Variants in MMP26 observed in about 807,000 individuals in gnomAD.
MMP26 encodes the protein matrix metalloproteinase-26.
A neutral mutation model predicts 31.0 loss-of-function variants in MMP26; 33 were observed. The observed-to-expected ratio is 1.06, with a 90% CI of 0.81 to 1.42. MMP26 has a LOEUF of 1.42. Ranked by LOEUF, MMP26 falls within the 40% of genes most tolerant of loss-of-function variation. MMP26 has a pLI of 0.00. For missense variants in MMP26, 347 were observed against 316.1 expected (o/e 1.10, Z -0.74); for synonymous variants, 122 against 114.9 (o/e 1.06, Z -0.40).
At chr11:4,733,504 C>T (rs1564897152) in intron 1 of MMP26, among the ~76,000 whole-genome samples, 1 of 151,924 alleles carries the variant, frequency 6.6e-6, no homozygotes, top group East Asian at 1.9e-4. Flanking sequence ...AATACAATTG[C>T]TTTTTTTATT....
intron 2 of MMP26, among the ~76,000 whole-genome samples, chr11:4,768,819 A>G (rs1226384151): frequency 6.6e-6 from 1 of 152,190 alleles, no homozygotes; most frequent in East Asian, 1.9e-4. Flanking sequence ...GATATATCAT[A>G]CTTATATTTT....
At chr11:4,986,541 TTTTTTTTG>T (rs1466556395) in intron 2 of MMP26, among the ~76,000 whole-genome samples, 14 of 101,114 alleles carry the variant, frequency 1.4e-4, no homozygotes, top group African/African-American at 2.0e-4. Flanking sequence ...TTTTTTTTTT[TTTTTTTTG>T]AGACAGAATC....
intron 2 of MMP26, among the ~76,000 whole-genome samples, chr11:4,845,743 A>C (rs932339658): frequency 6.6e-6 from 1 of 152,170 alleles, no homozygotes; most frequent in Admixed American, 6.5e-5. Flanking sequence ...CTACAACTCC[A>C]CATGGAAAAA....
chr11:4,834,755 A>T lies in MMP26; in HGVS notation c.-145+67414A>T, dbSNP rs1266545444. 2.0e-5 allele frequency among the ~76,000 whole-genome samples: 3 copies of T among 152,182 alleles called. No individual in the cohort carries two copies. In the East Asian group the frequency reaches 5.8e-4, roughly 29 times the overall value. ...TCCTATGTATTATGATATATTTCAT[A>T]TGTACTTTTAAATTAAGAACATAAT... On this transcript the variant is annotated intron_variant, in intron 2 of 7. Coordinates refer to ENST00000380390, the MANE Select transcript of MMP26 (RefSeq NM_021801.5).
At chr11:4,782,815 C>A (rs1384504869) in intron 2 of MMP26, among the ~76,000 whole-genome samples, 1 of 152,150 alleles carries the variant, frequency 6.6e-6, no homozygotes, top group Non-Finnish European at 1.5e-5. Context: ...TGAAAGGGGC[C>A]AATGTAGAGC....
chr11:4,778,027 A>G (rs1848810932), intron 2 of MMP26, among the ~76,000 whole-genome samples: 1 of 152,084 alleles, frequency 6.6e-6, no homozygotes, highest in Admixed American at 6.6e-5. Flanking sequence ...AGATATGGCC[A>G]AAAAGTTTTC....
chr11:4,897,955 AT>A (rs1850737023), intron 2 of MMP26, among the ~76,000 whole-genome samples: 1 of 148,196 alleles, frequency 6.7e-6, no homozygotes, highest in South Asian at 2.1e-4. Context: ...AATATTATAT[AT>A]TATATATAAA....
At chr11:4,718,692 C>T (rs776331812) in intron 1 of MMP26, 1 of 155,450 alleles carries the variant, frequency 6.4e-6, no homozygotes, top group Non-Finnish European at 1.5e-5. Context: ...CCTTCCACAC[C>T]TGGATCTCCA....
intron 2 of MMP26, chr11:4,890,606 A>C (rs188336316): frequency 2.6e-5 from 4 of 152,300 alleles, no homozygotes; most frequent in Admixed American, 2.6e-4. Context: ...TGATGAGTCC[A>C]TTGAAAAGTA....
At chr11:4,729,671 T>TTTTGCTA (rs1383060220) in intron 1 of MMP26, among the ~76,000 whole-genome samples, 3 of 152,268 alleles carry the variant, frequency 2.0e-5, no homozygotes, top group African/African-American at 7.2e-5. Context: ...AGTCCATTCT[T>TTTTGCTA]TTTGCTATTC....
chr11:4,969,031 A>T (rs1419045096), intron 2 of MMP26, among the ~76,000 whole-genome samples: 1 of 151,932 alleles, frequency 6.6e-6, no homozygotes, highest in Non-Finnish European at 1.5e-5. Flanking sequence ...TTTCCTTATT[A>T]TTTAAGTAGT....
At chr11:4,799,819 T>C (rs1849157376) in intron 2 of MMP26, among the ~76,000 whole-genome samples, 1 of 152,142 alleles carries the variant, frequency 6.6e-6, no homozygotes, top group East Asian at 1.9e-4. Flanking sequence ...AAAGGGGCAA[T>C]AAGTCCCACA....
At chr11:4,888,361 T>C (rs919445088) in intron 2 of MMP26, among the ~76,000 whole-genome samples, 1 of 152,128 alleles carries the variant, frequency 6.6e-6, no homozygotes, top group Admixed American at 6.6e-5. Flanking sequence ...CAATGCATAT[T>C]GTGTTATATT....
At chr11:4,749,025 A>G (rs1848415439) in intron 1 of MMP26, among the ~76,000 whole-genome samples, 1 of 152,092 alleles carries the variant, frequency 6.6e-6, no homozygotes, top group South Asian at 2.1e-4. Context: ...TGATGATATG[A>G]TCATATACCT....
chr11:4,859,889 T>C, intron 2 of MMP26: 1 of 471,054 alleles, frequency 2.1e-6, no homozygotes. Context: ...CCCAGCACAG[T>C]CTTCAGGGTG....
chr11:4,777,539 A>G (rs910688951), intron 2 of MMP26, among the ~76,000 whole-genome samples: 1 of 152,160 alleles, frequency 6.6e-6, no homozygotes, highest in African/African-American at 2.4e-5. Context: ...TCACATTTGA[A>G]TACATCCATG....
chr11:4,991,642 G>A, intron 6 of MMP26, 146 bp downstream of exon 6: 1 of 1,021,394 alleles, frequency 9.8e-7, no homozygotes, highest in Non-Finnish European at 1.4e-6. Context: ...GTGAGGAGAT[G>A]TGGGATCATT....
In MMP26 at chr11:4,924,054, T is replaced by A. The variant is rs564670726; in HGVS notation, c.-144-64014T>A. 2.5e-6 allele frequency: 4 copies of A among 1,614,072 alleles called. No individual in the cohort carries two copies. The Admixed American group carries it at 6.7e-5, about 27-fold the overall frequency. On this transcript the variant is annotated intron_variant, in intron 2 of 7. Coordinates refer to ENST00000380390, the MANE Select transcript of MMP26 (RefSeq NM_021801.5). ...AAGAGCTGAGTGAAACAGGCAGGGA[T>A]GCCAATCTCTCTGGTATCAAACCAG...
At position 4,754,262 on chromosome 11, in the gene MMP26, AATG is replaced by A. The variant is rs371901694; in HGVS notation, c.-216-13002_-216-13000del. Among the ~76,000 whole-genome samples, 80 of 152,030 alleles carry A rather than the reference AATG, an allele frequency of 5.3e-4. 1 individual carries two copies. In the South Asian group the frequency reaches 0.017, roughly 31 times the overall value. On this transcript the variant is annotated intron_variant, in intron 1 of 7. Coordinates refer to ENST00000380390, the MANE Select transcript of MMP26 (RefSeq NM_021801.5). ...CTATACTACACTGTCTAATAATAAT[AATG>A]ATGATAATTATCGTATACTTCTTCA...
Sources: allele counts gnomAD v4.1 joint callset (sites outside exome capture counted in the v4.1 genomes callset), GRCh38; gene constraint gnomAD v4.1.1; transcripts MANE v1.5; gene names NCBI Gene and HGNC (gene_info 2026-07-23, HGNC 2026-07-21).